Variants in RHOJ observed in about 807,000 individuals in gnomAD.
RHOJ encodes rho-related GTP-binding protein RhoJ.
Under a neutral mutation model 23.4 loss-of-function variants are expected in RHOJ, and 11 were observed. The observed-to-expected ratio is 0.47, with a 90% CI of 0.30 to 0.78. The LOEUF (loss-of-function observed/expected upper bound fraction) is 0.78, where lower values mean the gene tolerates loss of function less well. Ranked by LOEUF, RHOJ falls within the 30% of genes least tolerant of loss-of-function variation. The pLI is 0.08. For synonymous variants in RHOJ, 102 were observed against 102.7 expected (o/e 0.99, Z 0.04); for missense variants, 254 against 273.4 (o/e 0.93, Z 0.50).
chr14:63,213,517 T>A (rs1894285454), intron 1 of RHOJ, among the ~76,000 whole-genome samples: 1 of 152,250 alleles, frequency 6.6e-6, no homozygotes, highest in Non-Finnish European at 1.5e-5. Flanking sequence ...TGTACCACAT[T>A]TTCTTTATCC....
chr14:63,248,697 T>C (rs1331710246), intron 1 of RHOJ, among the ~76,000 whole-genome samples: 1 of 152,272 alleles, frequency 6.6e-6, no homozygotes, highest in Non-Finnish European at 1.5e-5. Flanking sequence ...AGCCACAGAA[T>C]GAACAAGGCA....
At chr14:63,225,872 G>T (rs1364559897) in intron 1 of RHOJ, among the ~76,000 whole-genome samples, 1 of 152,154 alleles carries the variant, frequency 6.6e-6, no homozygotes, top group Non-Finnish European at 1.5e-5. Context: ...GCAGGTATCA[G>T]AAACCTTCAA....
At position 63,253,191 on chromosome 14, in the gene RHOJ, G is replaced by C. The variant is rs111510131; in HGVS notation, c.179-15919G>C. 5.7e-3 allele frequency among the ~76,000 whole-genome samples: 872 copies of C among 152,318 alleles called. 6 individuals carry two copies. The highest frequency in any genetic ancestry group is 0.019 in the African/African-American group (802 of 41,578). ...TGTTATCGGTCCTGAGCCTAAGGCT[G>C]TCATTTGCACATGCCAACTCCTAGT... On this transcript the variant is annotated intron_variant, in intron 1 of 4. Transcript: ENST00000316754.
intron 1 of RHOJ, among the ~76,000 whole-genome samples, chr14:63,267,424 C>G (rs1047698846): frequency 2.6e-5 from 4 of 152,210 alleles, no homozygotes; most frequent in Admixed American, 1.3e-4. Flanking sequence ...ACAGATGGCC[C>G]CGGGCCTGTA....
chr14:63,271,563 G>A (rs1460551988), intron 2 of RHOJ, among the ~76,000 whole-genome samples: 1 of 152,170 alleles, frequency 6.6e-6, no homozygotes, highest in Non-Finnish European at 1.5e-5. Context: ...TCTAGGGTGG[G>A]ACCCAAGAAT....
intron 2 of RHOJ, among the ~76,000 whole-genome samples, chr14:63,278,715 A>G (rs770335769): frequency 2.4e-4 from 37 of 152,074 alleles, no homozygotes; most frequent in Non-Finnish European, 4.7e-4. Flanking sequence ...AGGTATGGTG[A>G]CTCACGCCTA....
chr14:63,210,581 G>A (rs933331870), intron 1 of RHOJ, among the ~76,000 whole-genome samples: 6 of 152,236 alleles, frequency 3.9e-5, no homozygotes, highest in Admixed American at 1.3e-4. Context: ...GACTCAACGC[G>A]TCCCAACAAC....
chr14:63,239,253 A>G (rs1213046027), intron 1 of RHOJ, among the ~76,000 whole-genome samples: 8 of 152,170 alleles, frequency 5.3e-5, no homozygotes, highest in Non-Finnish European at 8.8e-5. Context: ...CTGGAACTAC[A>G]GATGGCAGCC....
At chr14:63,255,385 G>T (rs1895145207) in intron 1 of RHOJ, among the ~76,000 whole-genome samples, 1 of 152,134 alleles carries the variant, frequency 6.6e-6, no homozygotes, top group Non-Finnish European at 1.5e-5. Context: ...ACCACCTTAG[G>T]GGCTCAGAGA....
chr14:63,250,973 T>A (rs1895060313), intron 1 of RHOJ, among the ~76,000 whole-genome samples: 2 of 152,114 alleles, frequency 1.3e-5, no homozygotes, highest in Admixed American at 1.3e-4. Flanking sequence ...AGGGAGTGGC[T>A]GCAGTGAGCC....
intron 1 of RHOJ, among the ~76,000 whole-genome samples, chr14:63,259,383 T>C (rs1415121512): frequency 1.3e-5 from 2 of 152,198 alleles, no homozygotes; most frequent in Non-Finnish European, 2.9e-5. Flanking sequence ...ACGCATAACA[T>C]AGGTTCTGAA....
intron 1 of RHOJ, among the ~76,000 whole-genome samples, chr14:63,225,304 T>G (rs1894572404): frequency 6.6e-6 from 1 of 152,110 alleles, no homozygotes; most frequent in African/African-American, 2.4e-5. Context: ...GGAGAAAAAT[T>G]TTCCCTTGGA....
In RHOJ at chr14:63,291,048, C is replaced by T. The variant is rs201843509; in HGVS notation, c.*24C>T. ...GAGGTTGTCTGGGACCTGCCTCCAC[C>T]CCATCCAGGGATGAGAATGGCAGCC... On this transcript the variant is annotated 3_prime_UTR_variant, in exon 5 of 5. Transcript: ENST00000316754. The T allele has an allele frequency of 6.2e-7, 1 of 1,613,178 alleles. No homozygotes were observed. Among genetic ancestry groups the T allele is most frequent in the African/African-American group, 1.3e-5 (1 of 74,910 alleles).
chr14:63,215,069 T>C (rs1040210135), intron 1 of RHOJ, among the ~76,000 whole-genome samples: 1 of 152,214 alleles, frequency 6.6e-6, no homozygotes, highest in East Asian at 1.9e-4. Flanking sequence ...CTTGTGATTA[T>C]GAAATGAACA....
chr14:63,222,137 C>A (rs1894508282), intron 1 of RHOJ, among the ~76,000 whole-genome samples: 1 of 151,946 alleles, frequency 6.6e-6, no homozygotes, highest in South Asian at 2.1e-4. Context: ...ATCCATGTCC[C>A]TACAAAGGAC....
chr14:63,230,185 G>A (rs542183793), intron 1 of RHOJ, among the ~76,000 whole-genome samples: 3 of 136,008 alleles, frequency 2.2e-5, no homozygotes, highest in East Asian at 2.5e-4. Flanking sequence ...AACAAAAAAC[G>A]TTAAAAAAAA....
chr14:63,232,593 C>A (rs756049518), intron 1 of RHOJ, among the ~76,000 whole-genome samples: 2 of 151,750 alleles, frequency 1.3e-5, no homozygotes, highest in African/African-American at 2.4e-5. Context: ...GTCACATTAT[C>A]ATGTTTCTCA....
chr14:63,279,284 A>G (rs1266725244), intron 2 of RHOJ, among the ~76,000 whole-genome samples: 3 of 152,248 alleles, frequency 2.0e-5, no homozygotes, highest in African/African-American at 7.2e-5. Context: ...AGTTGCACAT[A>G]TAGTATACAC....
intron 1 of RHOJ, among the ~76,000 whole-genome samples, chr14:63,229,826 G>T (rs567641883): frequency 6.6e-6 from 1 of 152,280 alleles, no homozygotes; most frequent in South Asian, 2.1e-4. Context: ...CTCCTTTGCC[G>T]GGTAACAGTA....
Sources: gnomAD v4.1 joint callset for allele counts (sites outside exome capture counted in the v4.1 genomes callset) on GRCh38, gnomAD v4.1.1 for gene constraint, MANE v1.5 for transcripts, NCBI Gene and HGNC (gene_info 2026-07-23, HGNC 2026-07-21) for gene names.